Variants in PRORP observed in about 807,000 individuals in gnomAD.
PRORP encodes mitochondrial ribonuclease P catalytic subunit.
In PRORP, 51 loss-of-function variants were observed where a neutral mutation model predicts 59.4. The observed-to-expected ratio is 0.86, with a 90% confidence interval of 0.69 to 1.08. PRORP has a LOEUF of 1.08. Ranked by LOEUF, PRORP falls within the 50% of genes least tolerant of loss-of-function variation. The pLI is 0.00. For missense variants in PRORP, 646 were observed against 690.3 expected (o/e 0.94, Z 0.72); for synonymous variants, 231 against 245.6 (o/e 0.94, Z 0.55).
chr14:35,167,642 T>C (rs73236919), intron 4 of PRORP, among the ~76,000 whole-genome samples: 9,067 of 152,290 alleles, frequency 0.06, 492 homozygotes, highest in Admixed American at 0.18. Flanking sequence ...TTGGCTTCCA[T>C]GGTTTAAAGA....
intron 4 of PRORP, among the ~76,000 whole-genome samples, chr14:35,161,212 A>C (rs1038791702): frequency 1.3e-5 from 2 of 152,228 alleles, no homozygotes; most frequent in African/African-American, 4.8e-5. Flanking sequence ...CCTAAAGCAC[A>C]TACAGGGGCT....
At chr14:35,184,723 G>T (rs534045939) in intron 5 of PRORP, among the ~76,000 whole-genome samples, 1 of 152,144 alleles carries the variant, frequency 6.6e-6, no homozygotes, top group South Asian at 2.1e-4. Flanking sequence ...CTTTATTTGT[G>T]TTCATAAGCT....
chr14:35,174,850 G>A (rs2048407058), intron 4 of PRORP, among the ~76,000 whole-genome samples: 2 of 149,118 alleles, frequency 1.3e-5, no homozygotes, highest in Non-Finnish European at 3.0e-5. Flanking sequence ...CCGTTAACTC[G>A]TCATTTACGT....
intron 5 of PRORP, among the ~76,000 whole-genome samples, chr14:35,205,455 G>T (rs2049267571): frequency 1.3e-5 from 2 of 152,170 alleles, no homozygotes; most frequent in African/African-American, 4.8e-5. Flanking sequence ...CTCCCAAATT[G>T]CTGGGATTAC....
At chr14:35,195,426 A>G (rs1312180193) in intron 5 of PRORP, among the ~76,000 whole-genome samples, 5 of 152,056 alleles carry the variant, frequency 3.3e-5, no homozygotes, top group Admixed American at 1.3e-4. Context: ...GGATGATCCC[A>G]TTTTTTGAAA....
At chr14:35,236,597 G>A (rs891466954) in intron 5 of PRORP, among the ~76,000 whole-genome samples, 1 of 152,102 alleles carries the variant, frequency 6.6e-6, no homozygotes, top group Non-Finnish European at 1.5e-5. Flanking sequence ...ATACTTTATA[G>A]ATTCCTTTCT....
chr14:35,130,371 G>C (rs1045353526), intron 4 of PRORP, among the ~76,000 whole-genome samples: 1 of 146,286 alleles, frequency 6.8e-6, no homozygotes, highest in East Asian at 2.2e-4. Flanking sequence ...AGTAGTTTTA[G>C]TTTACACACC....
chr14:35,140,398 G>A (rs2047457631), intron 4 of PRORP, among the ~76,000 whole-genome samples: 1 of 145,490 alleles, frequency 6.9e-6, no homozygotes, highest in African/African-American at 2.4e-5. Context: ...TAGGTATGAA[G>A]TGGTATCTCA....
rs543116069 is a variant in PRORP, at chr14:35,173,643, G to A, written c.1168-7027G>A. Among the ~76,000 whole-genome samples, 12 of 151,956 alleles carry A rather than the reference G, an allele frequency of 7.9e-5. 1 individual carries two copies. The highest frequency in any genetic ancestry group is 1.8e-4 in the Non-Finnish European group (12 of 67,998). On this transcript the variant is annotated intron_variant, in intron 4 of 7. Coordinates refer to ENST00000534898, the MANE Select transcript of PRORP (RefSeq NM_014672.4). ...GCAGCTTTCTGCTTGATTTCCAGCT[G>A]TTCCTGCTGGCCATACTGTCTGGAG...
intron 4 of PRORP, among the ~76,000 whole-genome samples, chr14:35,132,227 G>A (rs2047260408): frequency 6.6e-6 from 1 of 151,388 alleles, no homozygotes; most frequent in Non-Finnish European, 1.5e-5. Context: ...GGAGGCTGAG[G>A]TGGGTGGATC....
chr14:35,261,661 G>A (rs570929206), intron 5 of PRORP, among the ~76,000 whole-genome samples: 26 of 151,964 alleles, frequency 1.7e-4, no homozygotes, highest in Non-Finnish European at 3.1e-4. Context: ...CCCAGGAGGC[G>A]GAGGTTGCAG....
chr14:35,134,464 C>T (rs1413553805), intron 4 of PRORP, among the ~76,000 whole-genome samples: 2 of 152,166 alleles, frequency 1.3e-5, no homozygotes, highest in Admixed American at 6.5e-5. Context: ...GATATTGCTG[C>T]TGCTTATTCA....
At chr14:35,133,552 A>G (rs2047301895) in intron 4 of PRORP, among the ~76,000 whole-genome samples, 1 of 151,966 alleles carries the variant, frequency 6.6e-6, no homozygotes, top group South Asian at 2.1e-4. Context: ...GTTTTCCTGG[A>G]TGGTCTTGAT....
intron 4 of PRORP, among the ~76,000 whole-genome samples, 186 bp from the exon 5 acceptor site, chr14:35,180,484 C>T (rs2139037436): frequency 6.6e-6 from 1 of 151,128 alleles, no homozygotes; most frequent in South Asian, 2.1e-4. Context: ...TATGCAGTTG[C>T]ATCCATTAGA....
chr14:35,187,201 A>G (rs2048762666), intron 5 of PRORP, among the ~76,000 whole-genome samples: 1 of 152,186 alleles, frequency 6.6e-6, no homozygotes, highest in African/African-American at 2.4e-5. Context: ...GGGTCATATG[A>G]TAACTCTGTG....
intron 3 of PRORP, 46 bp downstream of exon 3, chr14:35,126,828 A>T: frequency 7.0e-7 from 1 of 1,435,958 alleles, no homozygotes; most frequent in East Asian, 2.3e-5. Flanking sequence ...TTGGTTTAGT[A>T]GGTTTTGTTG....
intron 5 of PRORP, among the ~76,000 whole-genome samples, chr14:35,250,083 A>G (rs962009259): frequency 5.3e-5 from 8 of 152,066 alleles, no homozygotes; most frequent in African/African-American, 1.9e-4. Flanking sequence ...CCCTGTCTCT[A>G]TAAAAAATAC....
intron 5 of PRORP, among the ~76,000 whole-genome samples, chr14:35,219,554 C>T (rs1190870361): frequency 6.6e-6 from 1 of 152,186 alleles, no homozygotes; most frequent in Non-Finnish European, 1.5e-5. Context: ...CATACCTTGC[C>T]CCTTACCTGC....
chr14:35,147,518 A>G (rs1259691918), intron 4 of PRORP, among the ~76,000 whole-genome samples: 1 of 151,930 alleles, frequency 6.6e-6, no homozygotes, highest in Non-Finnish European at 1.5e-5. Context: ...AATTTTTTCT[A>G]ATTTTTTGTC....
Sources: allele counts gnomAD v4.1 joint callset (sites outside exome capture counted in the v4.1 genomes callset), GRCh38; gene constraint gnomAD v4.1.1; transcripts MANE v1.5; gene names NCBI Gene and HGNC (gene_info 2026-07-23, HGNC 2026-07-21).